The following CLINT1 variants were observed in gnomAD, a reference collection of about 807,000 sequenced individuals.
The protein encoded by CLINT1 is clathrin interacting protein localized in the trans-Golgi region.
A neutral mutation model predicts 70.4 loss-of-function variants in CLINT1; 15 were observed. That is an observed-to-expected ratio of 0.21 (90% CI 0.14 to 0.33). The LOEUF (loss-of-function observed/expected upper bound fraction) is 0.33. CLINT1 is among the 10% of genes least tolerant of loss of function. The pLI is 1.00. For synonymous variants in CLINT1, 227 were observed against 254.7 expected (o/e 0.89, Z 1.04); for missense variants, 615 against 778.1 (o/e 0.79, Z 2.49).
intron 1 of CLINT1, among the ~76,000 whole-genome samples, chr5:157,827,148 AAAGC>A (rs1385499351): frequency 6.6e-6 from 1 of 152,140 alleles, no homozygotes. Flanking sequence ...TTTTTTTCCA[AAAGC>A]AAGCCACATA....
At chr5:157,851,611 C>T (rs1336804886) in intron 1 of CLINT1, among the ~76,000 whole-genome samples, 1 of 145,522 alleles carries the variant, frequency 6.9e-6, no homozygotes, top group East Asian at 2.1e-4. Flanking sequence ...TTGGGAGGAT[C>T]GCTTAAACCT....
At chr5:157,825,864 TATC>T (rs1290680640) in intron 1 of CLINT1, among the ~76,000 whole-genome samples, 1 of 152,178 alleles carries the variant, frequency 6.6e-6, no homozygotes, top group Non-Finnish European at 1.5e-5. Flanking sequence ...AATCCAGTAT[TATC>T]ATGAAGGCAG....
At position 157,799,476 on chromosome 5, in the gene CLINT1, A is replaced by G. The variant is rs753309167; in HGVS notation, c.1012+4174T>C. 9.3e-4 allele frequency among the ~76,000 whole-genome samples: 141 copies of G among 152,108 alleles called. 1 individual carries two copies. The highest frequency in any genetic ancestry group is 1.6e-3 in the Non-Finnish European group (111 of 67,926). On this transcript the variant is annotated intron_variant, in intron 8 of 11. Coordinates refer to ENST00000411809, the MANE Select transcript of CLINT1 (RefSeq NM_014666.4). ...AAACATTCAAAATATATTGCAAGTC[A>G]TTTAAGTTCTATCTGTATTGATTAT... is the stretch of plus-strand genomic sequence containing the variant.
chr5:157,829,618 G>T lies in CLINT1; in HGVS notation c.42-12071C>A, dbSNP rs140509982. 5.4e-3 allele frequency among the ~76,000 whole-genome samples: 817 copies of T among 151,316 alleles called. 9 individuals are homozygous for T. Among genetic ancestry groups the T allele is most frequent in the African/African-American group, 0.019 (767 of 41,244 alleles). On this transcript the variant is annotated intron_variant, in intron 1 of 11. Transcript: ENST00000411809. ...GCTCACTGCAGCCTCAACCTCCCTG[G>T]GCTCAGGAGATTCTGCCACCTCAGC...
At chr5:157,796,437 T>C (rs1168734118) in intron 8 of CLINT1, among the ~76,000 whole-genome samples, 2 of 152,240 alleles carry the variant, frequency 1.3e-5, no homozygotes, top group African/African-American at 4.8e-5. Context: ...TCGTCCTTAT[T>C]TTTGTCTGTC....
At chr5:157,806,968 G>C (rs1762405220) in intron 6 of CLINT1, among the ~76,000 whole-genome samples, 1 of 111,256 alleles carries the variant, frequency 9.0e-6, no homozygotes, top group African/African-American at 4.5e-5. Flanking sequence ...AAGTAGGAGA[G>C]AGAGAGAGAG....
At chr5:157,844,033 G>T (rs1223614038) in intron 1 of CLINT1, among the ~76,000 whole-genome samples, 1 of 152,086 alleles carries the variant, frequency 6.6e-6, no homozygotes, top group African/African-American at 2.4e-5. Flanking sequence ...TGGTAAGAGT[G>T]ATACCATCTC....
intron 7 of CLINT1, 137 bp from the exon 8 acceptor site, chr5:157,803,856 T>C (rs1762306115): frequency 4.0e-6 from 2 of 494,560 alleles, no homozygotes; most frequent in South Asian, 1.5e-4. Context: ...GGAAAAAGAG[T>C]ACTGACCTTG....
chr5:157,795,549 T>C (rs1056223297), intron 8 of CLINT1: 4 of 152,190 alleles, frequency 2.6e-5, no homozygotes, highest in African/African-American at 4.8e-5. Context: ...AGATATAGGC[T>C]GAAGTATTTT....
chr5:157,786,622 T>C lies in CLINT1; in HGVS notation c.*1024A>G, dbSNP rs927069602. On this transcript the variant is annotated 3_prime_UTR_variant, in exon 12 of 12. Coordinates refer to ENST00000411809, the MANE Select transcript of CLINT1 (RefSeq NM_014666.4). ...TTTAACAATATATATTTAACTCCTC[T>C]ATTGGAACCATATTGCTAATGCTGC... 1 of 152,614 alleles carries C rather than the reference T, an allele frequency of 6.6e-6. No individual in the cohort carries two copies. Among genetic ancestry groups the C allele is most frequent in the Non-Finnish European group, 1.5e-5 (1 of 68,022 alleles). 9.5% of individuals were successfully genotyped at this position (152,614 alleles called of 1,614,324 possible). A position where few individuals can be genotyped will look rare whatever the true frequency, so the allele number is the denominator to read the frequency against.
At chr5:157,788,548 A>G (rs1405418642) in intron 11 of CLINT1, among the ~76,000 whole-genome samples, 4 of 152,384 alleles carry the variant, frequency 2.6e-5, no homozygotes, top group Admixed American at 6.5e-5. Flanking sequence ...ATACACTAAT[A>G]TAACTATCAA....
chr5:157,827,820 G>A (rs910165960), intron 1 of CLINT1, among the ~76,000 whole-genome samples: 2 of 152,170 alleles, frequency 1.3e-5, no homozygotes, highest in Non-Finnish European at 2.9e-5. Context: ...ACAAGGCCAT[G>A]CTAAAGGAAA....
rs534663185 is a variant in CLINT1, at chr5:157,848,408, AT to A, written c.41+10521del. ...CACTGCACCCGACCTAAGAATTATT[AT>A]TTTTTTTTTTATTGAGACGCAGTCT... On this transcript the variant is annotated intron_variant, in intron 1 of 11. Transcript: ENST00000411809. Among the ~76,000 whole-genome samples, 84 of 144,720 alleles carry A rather than the reference AT, an allele frequency of 5.8e-4. 1 individual carries two copies. The highest frequency in any genetic ancestry group is 1.7e-3 in the African/African-American group (66 of 39,580). 94.9% of individuals were successfully genotyped at this position (144,720 alleles called of 152,430 possible). A position where few individuals can be genotyped will look rare whatever the true frequency, so the allele number is the denominator to read the frequency against.
chr5:157,817,342 AT>A, intron 2 of CLINT1, 100 bp downstream of exon 2: 1 of 720,714 alleles, frequency 1.4e-6, no homozygotes, highest in Non-Finnish European at 2.3e-6. Context: ...CAAAATTTAT[AT>A]TTTGGCAGCC....
rs965304601 is a variant in CLINT1, at chr5:157,785,998, T to G, written c.*1648A>C. 2.0e-5 allele frequency: 3 copies of G among 152,206 alleles called. No homozygotes were observed. The highest frequency in any genetic ancestry group is 2.9e-5 in the Non-Finnish European group (2 of 68,016). The allele number at this position is 152,206 out of a possible 1,614,324, so 9.4% of individuals were successfully genotyped here. On this transcript the variant is annotated 3_prime_UTR_variant, in exon 12 of 12. Coordinates refer to ENST00000411809, the MANE Select transcript of CLINT1 (RefSeq NM_014666.4). ...CGCAGTCAGCTAATTACACTCACTCTCATCTCTTATTCAGCAAATGAATCA... is the reference window on the plus strand; with the variant it reads ...CGCAGTCAGCTAATTACACTCACTCGCATCTCTTATTCAGCAAATGAATCA...
rs368495907 is a variant in CLINT1, at chr5:157,815,904, A to C, written c.243+830T>G. ...AAATAGAGTATTATAATCCAATGGG[A>C]CCACTGACATATAAGCAGACCATCA... On this transcript the variant is annotated intron_variant, in intron 3 of 11. Transcript: ENST00000411809. Among the ~76,000 whole-genome samples, 241 of 152,348 alleles carry C rather than the reference A, an allele frequency of 1.6e-3. 2 individuals carry two copies. The highest frequency in any genetic ancestry group is 5.4e-3 in the African/African-American group (226 of 41,572).
intron 8 of CLINT1, among the ~76,000 whole-genome samples, chr5:157,800,296 ATGCCATATC>A (rs1244455628): frequency 6.6e-6 from 1 of 152,190 alleles, no homozygotes; most frequent in Non-Finnish European, 1.5e-5. Flanking sequence ...AGTGGTACAG[ATGCCATATC>A]TGCTTAGCTT....
intron 1 of CLINT1, among the ~76,000 whole-genome samples, chr5:157,821,701 A>C (rs1453098242): frequency 6.6e-6 from 1 of 152,214 alleles, no homozygotes; most frequent in Non-Finnish European, 1.5e-5. Context: ...CTAGGATCAC[A>C]CTGTTTAAAT....
chr5:157,828,388 G>C lies in CLINT1; in HGVS notation c.42-10841C>G, dbSNP rs1210198376. Reference sequence around the variant, plus strand: ...GGTACTTGGAACAATGTAAGCAACAGAGCAGGCAGAGGCAGTCACCACTAG... The same window carrying C: ...GGTACTTGGAACAATGTAAGCAACACAGCAGGCAGAGGCAGTCACCACTAG... On this transcript the variant is annotated intron_variant, in intron 1 of 11. Transcript: ENST00000411809. 5.3e-5 allele frequency among the ~76,000 whole-genome samples: 8 copies of C among 152,306 alleles called. No individual in the cohort carries two copies. In the South Asian group the frequency reaches 1.5e-3, roughly 28 times the overall value.
Sources: gnomAD v4.1 joint callset for allele counts (sites outside exome capture counted in the v4.1 genomes callset) on GRCh38, gnomAD v4.1.1 for gene constraint, MANE v1.5 for transcripts, NCBI Gene and HGNC (gene_info 2026-07-23, HGNC 2026-07-21) for gene names.